The following CEP89 variants were observed in gnomAD, a reference collection of about 807,000 sequenced individuals.
CEP89 encodes centrosomal protein of 89 kDa.
Under a neutral mutation model 97.6 loss-of-function variants are expected in CEP89, and 95 were observed. That is an observed-to-expected ratio of 0.97 (90% CI 0.82 to 1.15). CEP89 has a LOEUF of 1.15. Among genes scored for constraint, CEP89 ranks in the 50% most tolerant of loss-of-function variants. The pLI is 0.00. For synonymous variants in CEP89, 354 were observed against 349.1 expected, an observed-to-expected ratio of 1.01 and a Z score of -0.16; for missense variants, 869 against 947.7, an observed-to-expected ratio of 0.92 and a Z score of 1.09.
chr19:32,933,448 C>T lies in CEP89; in HGVS notation c.886+3G>A, dbSNP rs1477392388. ...CTAATAAAGGCACTCTGTCTGTCCC[C>T]ACCTTCCTGTGACGACGCCTTCTCA... On this transcript the variant is annotated splice_donor_region_variant and intron_variant, in intron 8 of 18. Transcript: ENST00000305768. 3 of 1,611,422 alleles carry T rather than the reference C, an allele frequency of 1.9e-6. No individual in the cohort carries two copies. In the African/African-American group the frequency reaches 4.0e-5, roughly 22 times the overall value.
At chr19:32,942,697 T>C (rs1243171707) in intron 5 of CEP89, among the ~76,000 whole-genome samples, 1 of 152,212 alleles carries the variant, frequency 6.6e-6, no homozygotes, top group Non-Finnish European at 1.5e-5. Context: ...TGTTCTTATT[T>C]ATCATTTCTC....
chr19:32,944,997 C>G (rs1046910978), intron 5 of CEP89, among the ~76,000 whole-genome samples: 1 of 152,184 alleles, frequency 6.6e-6, no homozygotes, highest in African/African-American at 2.4e-5. Context: ...AGGACCAAAC[C>G]ACCAAAAGCC....
At chr19:32,933,690 AT>A in intron 7 of CEP89, 21 bp from the exon 8 acceptor site, 1 of 1,446,834 alleles carries the variant, frequency 6.9e-7, no homozygotes, top group Non-Finnish European at 9.7e-7. Context: ...TCAGGGGAAA[AT>A]TTTACAATGT....
Position 32,887,841 on chromosome 19 carries a change from C to A in CEP89, c.1876G>T (p.Ala626Ser). Residue 626 changes from alanine to serine, a missense_variant and splice_region_variant, in exon 17 of 19, where the codon GCA (alanine) becomes TCA (serine). Ala to Ser is a moderately conservative substitution (Grantham distance 99). Transcript: ENST00000305768. ...TCCTTCTCACTTTCTAAACATTTTGCCTAGGGAGAAGGGTGATAAATGGGC... is the reference window on the plus strand; with the variant it reads ...TCCTTCTCACTTTCTAAACATTTTGACTAGGGAGAAGGGTGATAAATGGGC... ...TQERDSLMCL[A>S]KCLESEKDGV... 1 of 1,595,270 alleles carries A rather than the reference C, an allele frequency of 6.3e-7. No homozygotes were observed. Among genetic ancestry groups the A allele is most frequent in the South Asian group, 1.1e-5 (1 of 89,962 alleles).
At chr19:32,925,505 T>C (rs2007522) in intron 11 of CEP89, among the ~76,000 whole-genome samples, 21 of 133,574 alleles carry the variant, frequency 1.6e-4, no homozygotes, top group East Asian at 8.9e-4. Flanking sequence ...TTTTTTTTTT[T>C]TCGAGACGGA....
At chr19:32,901,441 A>T (rs757694328) in intron 14 of CEP89, 29 bp from the exon 15 acceptor site, 3 of 1,600,314 alleles carry the variant, frequency 1.9e-6, no homozygotes, top group Non-Finnish European at 2.6e-6. Flanking sequence ...ACATGCTCGT[A>T]TCCAGCACAA....
intron 12 of CEP89, among the ~76,000 whole-genome samples, chr19:32,918,745 A>C (rs1970182630): frequency 6.6e-6 from 1 of 152,170 alleles, no homozygotes; most frequent in African/African-American, 2.4e-5. Flanking sequence ...GAATTTAGAA[A>C]GTTCCCATTT....
At chr19:32,933,345 A>G in intron 8 of CEP89, 106 bp downstream of exon 8, 1 of 889,290 alleles carries the variant, frequency 1.1e-6, no homozygotes, top group South Asian at 1.6e-5. Flanking sequence ...GAAATATTAC[A>G]ACATAAATTA....
At chr19:32,922,397 G>T (rs1316426336) in intron 12 of CEP89, among the ~76,000 whole-genome samples, 9 of 152,026 alleles carry the variant, frequency 5.9e-5, no homozygotes, top group Admixed American at 5.9e-4. Context: ...TTAAAAAATG[G>T]CTGGGCATGG....
intron 3 of CEP89, 70 bp from the exon 4 acceptor site, chr19:32,953,871 T>A: frequency 8.3e-6 from 6 of 724,932 alleles, no homozygotes; most frequent in Non-Finnish European, 9.8e-6. Context: ...AAATATCTTT[T>A]TTTTTTTTTT....
At chr19:32,955,848 A>G (rs4805833) in intron 3 of CEP89, among the ~76,000 whole-genome samples, 56,323 of 151,936 alleles carry the variant, frequency 0.37, 10,618 homozygotes, top group Admixed American at 0.48. Context: ...TGGTGTGAAC[A>G]TTTTGTGTCT....
At chr19:32,894,137 G>A (rs1463499202) in intron 16 of CEP89, among the ~76,000 whole-genome samples, 5 of 152,126 alleles carry the variant, frequency 3.3e-5, no homozygotes, top group Non-Finnish European at 7.4e-5. Flanking sequence ...GGTTAGCCTG[G>A]GCAACATAGT....
chr19:32,947,284 G>A (rs939540684), intron 5 of CEP89, among the ~76,000 whole-genome samples: 4 of 151,976 alleles, frequency 2.6e-5, no homozygotes, highest in South Asian at 2.1e-4. Flanking sequence ...ATATGTCCAC[G>A]TACTCATTCA....
At chr19:32,887,974 C>A (rs1969434947) in intron 16 of CEP89, 133 bp from the exon 17 acceptor site, 2 of 637,100 alleles carry the variant, frequency 3.1e-6, no homozygotes, top group Admixed American at 5.2e-5. Flanking sequence ...CAACCCCTTC[C>A]CCACCCACTG....
At chr19:32,901,444 C>T (rs368491230) in intron 14 of CEP89, 32 bp from the exon 15 acceptor site, 11 of 1,598,814 alleles carry the variant, frequency 6.9e-6, no homozygotes, top group Non-Finnish European at 9.4e-6. Context: ...TGCTCGTATC[C>T]AGCACAATGA....
intron 1 of CEP89, among the ~76,000 whole-genome samples, chr19:32,968,030 G>C (rs949645282): frequency 6.6e-6 from 1 of 152,128 alleles, no homozygotes; most frequent in African/African-American, 2.4e-5. Context: ...TCTTTCAGGA[G>C]TGAGGGATGG....
chr19:32,900,787 T>C (rs1969749396), intron 15 of CEP89, among the ~76,000 whole-genome samples: 1 of 152,176 alleles, frequency 6.6e-6, no homozygotes, highest in African/African-American at 2.4e-5. Context: ...ATACTTATTA[T>C]AATCTGATAT....
intron 12 of CEP89, among the ~76,000 whole-genome samples, chr19:32,921,683 C>A (rs1970253221): frequency 6.6e-6 from 1 of 152,156 alleles, no homozygotes; most frequent in African/African-American, 2.4e-5. Flanking sequence ...GTCTCTTGAG[C>A]CCCAGCCTGG....
At chr19:32,911,027 T>A (rs1034361748) in intron 14 of CEP89, among the ~76,000 whole-genome samples, 7 of 152,242 alleles carry the variant, frequency 4.6e-5, no homozygotes, top group African/African-American at 7.2e-5. Context: ...CATAACTGCA[T>A]GTGCTAGGCT....
Sources: gnomAD v4.1 joint callset for allele counts (sites outside exome capture counted in the v4.1 genomes callset) on GRCh38, gnomAD v4.1.1 for gene constraint, MANE v1.5 for transcripts, NCBI Gene and HGNC (gene_info 2026-07-23, HGNC 2026-07-21) for gene names.